CYBRD1: variants seen among roughly 807,000 people sequenced by gnomAD.
CYBRD1 encodes cytochrome b reductase 1, also known as plasma membrane ascorbate-dependent reductase CYBRD1.
Under a neutral mutation model 21.9 loss-of-function variants are expected in CYBRD1, and 14 were observed. That is an observed-to-expected ratio of 0.64 (90% confidence interval 0.42 to 1.00). The LOEUF (loss-of-function observed/expected upper bound fraction) is 1.00, where lower values mean the gene tolerates loss of function less well. Ranked by LOEUF, CYBRD1 falls within the 50% of genes least tolerant of loss-of-function variation. CYBRD1 has a pLI of 0.00. For missense variants in CYBRD1, 328 were observed against 352.5 expected (o/e 0.93, Z 0.56); for synonymous variants, 146 against 136.5 (o/e 1.07, Z -0.48).
At chr2:171,542,405 T>C (rs1697648417) in intron 2 of CYBRD1, among the ~76,000 whole-genome samples, 1 of 152,104 alleles carries the variant, frequency 6.6e-6, no homozygotes, top group Non-Finnish European at 1.5e-5. Context: ...ATTCCAGCAT[T>C]TTCGAAGGCC....
chr2:171,541,733 C>T lies in CYBRD1; in HGVS notation c.342C>T (p.Ala114=). 1 of 1,613,644 alleles carries T rather than the reference C, an allele frequency of 6.2e-7. No homozygotes were observed. The highest frequency in any genetic ancestry group is 8.5e-7 in the Non-Finnish European group (1 of 1,180,000). ...VFENHNVNNI[A]NMYSLHSWVG... ...AGAACCACAATGTTAACAATATAGC[C>T]AATATGTACAGTCTGCACAGCTGGG... Residue 114 remains alanine (A), a synonymous_variant, in exon 2 of 4, where the codon GCC becomes GCT. Transcript: ENST00000321348.
rs140266587 is a variant in CYBRD1, at chr2:171,539,117, C to T, written c.194-2468C>T. Among the ~76,000 whole-genome samples, 1,361 of 152,164 alleles carry T rather than the reference C, an allele frequency of 8.9e-3. 20 individuals carry two copies. Among genetic ancestry groups the T allele is most frequent in the African/African-American group, 0.028 (1,142 of 41,498 alleles). On this transcript the variant is annotated intron_variant, in intron 1 of 3. Coordinates refer to ENST00000321348, the MANE Select transcript of CYBRD1 (RefSeq NM_024843.4). ...GAGCGCAGTGAGCCACTGCGCCTGG[C>T]CTGAAGTTTTATATATTAAAATTAT...
At chr2:171,522,319 C>T, upstream of CYBRD1, 5 of 1,526,876 alleles carry the variant, frequency 3.3e-6, no homozygotes, top group Non-Finnish European at 4.4e-6. This position sits in a 1 kb window ranked among gnomAD's most constrained non-coding sequence, Gnocchi z 4.3. Flanking sequence ...TGAGCGCCCT[C>T]GGCGGCCGCG....
At chr2:171,531,277 C>G (rs780164729) in intron 1 of CYBRD1, among the ~76,000 whole-genome samples, 7 of 151,590 alleles carry the variant, frequency 4.6e-5, no homozygotes, top group Non-Finnish European at 8.8e-5. Context: ...CTGTACTTTT[C>G]TAAGTTTTTG....
At chr2:171,527,753 T>C (rs879544788) in intron 1 of CYBRD1, among the ~76,000 whole-genome samples, 2 of 152,184 alleles carry the variant, frequency 1.3e-5, no homozygotes, top group Non-Finnish European at 2.9e-5. Flanking sequence ...TTATAATTTC[T>C]ATCATCTTCG....
At chr2:171,542,352 A>G (rs946437441) in intron 2 of CYBRD1, among the ~76,000 whole-genome samples, 26 of 152,138 alleles carry the variant, frequency 1.7e-4, no homozygotes, top group Non-Finnish European at 2.8e-4. Flanking sequence ...TTAATATGTA[A>G]AATTAAGAAA....
chr2:171,527,431 T>C (rs972814028), intron 1 of CYBRD1, among the ~76,000 whole-genome samples: 1 of 152,208 alleles, frequency 6.6e-6, no homozygotes, highest in African/African-American at 2.4e-5. Context: ...TGTACCATCA[T>C]TGAATTGTTA....
chr2:171,525,237 C>T (rs548851234), intron 1 of CYBRD1, among the ~76,000 whole-genome samples: 2 of 152,128 alleles, frequency 1.3e-5, no homozygotes, highest in Non-Finnish European at 2.9e-5. Context: ...AGTACCCGGC[C>T]GATCTTGTTT....
rs1304568030 is a variant in CYBRD1 at position 171,558,003 on chromosome 2, A to G, written c.*3176A>G. 6.6e-6 allele frequency: 1 copy of G among 152,098 alleles called. No homozygotes were observed. Among genetic ancestry groups the G allele is most frequent in the African/African-American group, 2.4e-5 (1 of 41,440 alleles). The allele number at this position is 152,098 out of a possible 1,614,324, so 9.4% of individuals were successfully genotyped here. On this transcript the variant is annotated 3_prime_UTR_variant, in exon 4 of 4. Coordinates refer to ENST00000321348, the MANE Select transcript of CYBRD1 (RefSeq NM_024843.4). Reference sequence around the variant, plus strand: ...AAAACCTTAAGTGAAAAAGATTTCTATCTTTTTATCTTAGCGCATTTATGG... The same window carrying G: ...AAAACCTTAAGTGAAAAAGATTTCTGTCTTTTTATCTTAGCGCATTTATGG...
intron 2 of CYBRD1, among the ~76,000 whole-genome samples, chr2:171,552,053 T>C (rs1358558494): frequency 6.6e-6 from 1 of 152,208 alleles, no homozygotes; most frequent in Non-Finnish European, 1.5e-5. Flanking sequence ...GAGTCATGTC[T>C]TGGAAGAGAG....
intron 2 of CYBRD1, among the ~76,000 whole-genome samples, chr2:171,549,963 A>C (rs1448554439): frequency 6.6e-6 from 1 of 152,200 alleles, no homozygotes; most frequent in African/African-American, 2.4e-5. Flanking sequence ...ATTTGAGTGA[A>C]TCAACAGCAG....
At chr2:171,540,153 T>C (rs1177257581) in intron 1 of CYBRD1, among the ~76,000 whole-genome samples, 1 of 152,212 alleles carries the variant, frequency 6.6e-6, no homozygotes, top group Non-Finnish European at 1.5e-5. Context: ...AAATCCCTTG[T>C]GTGTTCCATT....
At position 171,554,372 on chromosome 2, in the gene CYBRD1, T is replaced by C. The variant is rs74695506; in HGVS notation, c.558-152T>C. The stretch of plus-strand genomic sequence containing the variant: ...ATTTCATTATATATTCCCGAGTGAA[T>C]TGTAGCATAATTTATATTTCTCCTT... On this transcript the variant is annotated intron_variant, in intron 3 of 3. Coordinates refer to ENST00000321348, the MANE Select transcript of CYBRD1 (RefSeq NM_024843.4). The C allele has an allele frequency of 4.8e-3, 3,248 of 675,700 alleles. 76 individuals carry two copies. The African/African-American group carries it at 0.05, about 10-fold the overall frequency. The allele number at this position is 675,700 out of a possible 1,614,324, so 41.9% of individuals were successfully genotyped here. A position where few individuals can be genotyped will look rare whatever the true frequency, so the allele number is the denominator to read the frequency against.
intron 2 of CYBRD1, among the ~76,000 whole-genome samples, chr2:171,549,286 G>T (rs897700808): frequency 6.6e-6 from 1 of 152,138 alleles, no homozygotes; most frequent in African/African-American, 2.4e-5. Flanking sequence ...GCTTCACCAT[G>T]ATGTCCAGGC....
At chr2:171,527,629 G>A (rs1697404376) in intron 1 of CYBRD1, among the ~76,000 whole-genome samples, 1 of 152,164 alleles carries the variant, frequency 6.6e-6, no homozygotes, top group African/African-American at 2.4e-5. Flanking sequence ...GCCTCTAGCT[G>A]ATGAGAATGT....
chr2:171,541,517 A>C, intron 1 of CYBRD1, 68 bp from the exon 2 acceptor site: 1 of 1,492,396 alleles, frequency 6.7e-7, no homozygotes, highest in Non-Finnish European at 9.3e-7. Flanking sequence ...CAGTGTGTCA[A>C]ACTGTTCATT....
At chr2:171,523,332 G>T (rs1347988688) in intron 1 of CYBRD1, 3 of 363,922 alleles carry the variant, frequency 8.2e-6, no homozygotes, top group Non-Finnish European at 1.7e-5. Context: ...CTGGCCAAGG[G>T]GGGCGAGTGA....
In CYBRD1 at chr2:171,557,185, G is replaced by A. The variant is rs1683504434; in HGVS notation, c.*2358G>A. 1 of 152,238 alleles carries A rather than the reference G, an allele frequency of 6.6e-6. No individual in the cohort carries two copies. Among genetic ancestry groups the A allele is most frequent in the East Asian group, 1.9e-4 (1 of 5,196 alleles). 9.4% of individuals were successfully genotyped at this position (152,238 alleles called of 1,614,324 possible). A position where few individuals can be genotyped will look rare whatever the true frequency, so the allele number is the denominator to read the frequency against. ...TTTGTTTGAGACTCTTATTTAATGG[G>A]CTTTTGATTCTAATGATAATTGTAC... is the stretch of plus-strand genomic sequence containing the variant. On this transcript the variant is annotated 3_prime_UTR_variant, in exon 4 of 4. Coordinates refer to ENST00000321348, the MANE Select transcript of CYBRD1 (RefSeq NM_024843.4).
chr2:171,528,244 C>T (rs1697413265), intron 1 of CYBRD1, among the ~76,000 whole-genome samples: 1 of 152,020 alleles, frequency 6.6e-6, no homozygotes, highest in Admixed American at 6.6e-5. Flanking sequence ...CACCACGATG[C>T]CCAGCTAATT....
Sources: gnomAD v4.1 joint callset for allele counts (sites outside exome capture counted in the v4.1 genomes callset) on GRCh38, gnomAD v4.1.1 for gene constraint, Gnocchi (gnomAD v3.1) non-coding constraint, MANE v1.5 for transcripts, NCBI Gene and HGNC (gene_info 2026-07-23, HGNC 2026-07-21) for gene names.